Variants in ZC3H12B observed in about 807,000 individuals in gnomAD.
The protein encoded by ZC3H12B is probable ribonuclease ZC3H12B.
Under a neutral mutation model 43.9 loss-of-function variants are expected in ZC3H12B, and 7 were observed. That is an observed-to-expected ratio of 0.16 (90% CI 0.09 to 0.30). The LOEUF (loss-of-function observed/expected upper bound fraction) is 0.30, where lower values mean the gene tolerates loss of function less well. Among genes scored for constraint, ZC3H12B ranks in the 10% least tolerant of loss-of-function variants. ZC3H12B has a pLI of 1.00. For missense variants in ZC3H12B, 475 were observed against 670.2 expected, an observed-to-expected ratio of 0.71 and a Z score of 3.22; for synonymous variants, 222 against 241.7, an observed-to-expected ratio of 0.92 and a Z score of 0.76.
At chrX:65,428,064 T>C (rs74825270) in intron 3 of ZC3H12B, among the ~76,000 whole-genome samples, 2 of 112,177 alleles carry the variant, frequency 1.8e-5, no homozygotes, top group South Asian at 3.8e-4. Context: ...AAAACCTTTT[T>C]CTTTAAGAAT....
the ZC3H12B span, among the ~76,000 whole-genome samples, chrX:65,077,718 A>G: frequency 8.9e-6 from 1 of 111,812 alleles, no homozygotes; most frequent in African/African-American, 3.3e-5. Flanking sequence ...AGGCAAGGTT[A>G]AATTTGTTTT....
the ZC3H12B span, among the ~76,000 whole-genome samples, chrX:65,240,826 A>G: frequency 8.9e-6 from 1 of 111,807 alleles, no homozygotes; most frequent in Admixed American, 9.5e-5. Flanking sequence ...CCACTTTCCT[A>G]TAGGGCTCTT....
rs949891466 is a variant in ZC3H12B at position 65,385,632 on chromosome X, C to CT, written n.296-12952dup. On this transcript the variant is annotated intron_variant and non_coding_transcript_variant, in intron 2 of 5. Coordinates refer to the ZC3H12B transcript ENST00000617377. ...CTTCCTCTTTTCCTAATTGAATACC[C>CT]TTTTTTTTTATCCTGCATGATTGCT... Among the ~76,000 whole-genome samples, 55 of 110,010 alleles carry CT rather than the reference C, an allele frequency of 5.0e-4. No individual in the cohort carries two copies. In the East Asian group the frequency reaches 8.2e-3, roughly 16 times the overall value.
chrX:65,289,840 A>C, the ZC3H12B span, among the ~76,000 whole-genome samples: 1 of 110,669 alleles, frequency 9.0e-6, no homozygotes, highest in African/African-American at 3.3e-5. Context: ...TCAACCCAAA[A>C]TGTTTAAGTT....
the ZC3H12B span, among the ~76,000 whole-genome samples, chrX:65,348,137 G>A: frequency 0.012 from 1,293 of 111,686 alleles, 50 homozygotes; most frequent in Admixed American, 0.099. Flanking sequence ...TGTAAATGAC[G>A]AGTCAATGGG....
exon 5 of ZC3H12B, chrX:65,506,952 CCTCTCTCTCT>C (rs759383063): frequency 9.2e-6 from 1 of 108,174 alleles, no homozygotes; most frequent in Admixed American, 9.9e-5. Context: ...ATTCTCTCTC[CCTCTCTCTCT>C]CTCTCTCTGC....
chrX:65,376,021 TAGAC>T (rs779834118), intron 2 of ZC3H12B, among the ~76,000 whole-genome samples: 1 of 112,322 alleles, frequency 8.9e-6, no homozygotes, highest in African/African-American at 3.2e-5. Flanking sequence ...CCATGGCTCT[TAGAC>T]AGCATTTCTG....
At chrX:65,160,707 A>T in the ZC3H12B span, among the ~76,000 whole-genome samples, 46 of 111,099 alleles carry the variant, frequency 4.1e-4, no homozygotes, top group Non-Finnish European at 2.3e-4. Flanking sequence ...CTTTCAAAAA[A>T]CCAGTGCCTG....
the ZC3H12B span, among the ~76,000 whole-genome samples, chrX:65,276,122 CT>C: frequency 9.0e-6 from 1 of 110,610 alleles, no homozygotes; most frequent in Non-Finnish European, 1.9e-5. Flanking sequence ...GTAGATAGGT[CT>C]TTTGAAATAA....
chrX:65,259,749 A>G, the ZC3H12B span, among the ~76,000 whole-genome samples: 2 of 112,226 alleles, frequency 1.8e-5, no homozygotes, highest in African/African-American at 6.5e-5. Flanking sequence ...AGAAGTCATT[A>G]TACGAAAAAG....
At chrX:65,179,406 T>A in the ZC3H12B span, among the ~76,000 whole-genome samples, 13 of 100,374 alleles carry the variant, frequency 1.3e-4, no homozygotes, top group East Asian at 3.1e-4. Context: ...TAAAGTTATT[T>A]AAAAAAAAAA....
intron 3 of ZC3H12B, among the ~76,000 whole-genome samples, chrX:65,461,451 C>T (rs1401335205): frequency 6.2e-5 from 7 of 112,072 alleles, no homozygotes; most frequent in Non-Finnish European, 1.1e-4. Flanking sequence ...TGGAACCAAC[C>T]CAAATGTCCA....
intron 3 of ZC3H12B, among the ~76,000 whole-genome samples, chrX:65,452,498 A>G (rs1265620856): frequency 9.0e-6 from 1 of 111,258 alleles, no homozygotes; most frequent in East Asian, 2.8e-4. Flanking sequence ...CTCTACAAGG[A>G]AAACTACAAA....
intron 2 of ZC3H12B, among the ~76,000 whole-genome samples, chrX:65,371,536 T>G (rs1187439319): frequency 8.9e-6 from 1 of 111,844 alleles, no homozygotes; most frequent in East Asian, 2.8e-4. Flanking sequence ...CTGTTATTTA[T>G]GTATGCTAAA....
the ZC3H12B span, among the ~76,000 whole-genome samples, chrX:65,267,902 A>G: frequency 1.8e-5 from 2 of 111,877 alleles, no homozygotes; most frequent in Admixed American, 9.5e-5. Context: ...AGTTAGCAGA[A>G]GGAAGGAAAT....
At chrX:65,160,167 GTATTT>G in the ZC3H12B span, among the ~76,000 whole-genome samples, 1 of 111,852 alleles carries the variant, frequency 8.9e-6, no homozygotes, top group African/African-American at 3.2e-5. Context: ...CGATTTGCCA[GTATTT>G]TATTGAGGAT....
chrX:65,129,159 T>G, the ZC3H12B span, among the ~76,000 whole-genome samples: 1 of 109,899 alleles, frequency 9.1e-6, no homozygotes, highest in South Asian at 3.8e-4. Flanking sequence ...TTGAACATTT[T>G]TTAGAGTTTC....
At chrX:65,167,677 A>G in the ZC3H12B span, among the ~76,000 whole-genome samples, 3 of 112,118 alleles carry the variant, frequency 2.7e-5, no homozygotes, top group African/African-American at 9.7e-5. Context: ...ATCCATGAGC[A>G]TGGGATGTTC....
the ZC3H12B span, among the ~76,000 whole-genome samples, chrX:65,226,672 A>G: frequency 9.0e-6 from 1 of 111,505 alleles, no homozygotes; most frequent in Non-Finnish European, 1.9e-5. Flanking sequence ...ACTCAAAATA[A>G]AAGGATGGAG....
Sources: gnomAD v4.1 joint callset for allele counts (sites outside exome capture counted in the v4.1 genomes callset) on GRCh38, gnomAD v4.1.1 for gene constraint, MANE v1.5 for transcripts, NCBI Gene and HGNC (gene_info 2026-07-23, HGNC 2026-07-21) for gene names.